The following FYN variants were observed in gnomAD, a reference collection of about 807,000 sequenced individuals.
FYN encodes tyrosine-protein kinase Fyn.
Under a neutral mutation model 70.2 loss-of-function variants are expected in FYN, and 10 were observed. The observed-to-expected ratio is 0.14, with a 90% CI of 0.09 to 0.24. FYN has a LOEUF of 0.24. Among genes scored for constraint, FYN ranks in the 10% least tolerant of loss-of-function variants. The pLI is 1.00. For missense variants in FYN, 319 were observed against 673.1 expected (o/e 0.47, Z 5.82); for synonymous variants, 236 against 248.6 (o/e 0.95, Z 0.48).
intron 1 of FYN, among the ~76,000 whole-genome samples, chr6:111,857,195 A>G (rs1773844389): frequency 6.6e-6 from 1 of 152,180 alleles, no homozygotes; most frequent in African/African-American, 2.4e-5. Context: ...TCTACTATTC[A>G]CCCTGTTACC....
chr6:111,681,938 C>A (rs930975232), intron 12 of FYN, among the ~76,000 whole-genome samples: 3 of 152,126 alleles, frequency 2.0e-5, no homozygotes, highest in Non-Finnish European at 4.4e-5. Flanking sequence ...TGCATAAACA[C>A]TATACACTGT....
intron 12 of FYN, among the ~76,000 whole-genome samples, chr6:111,684,769 T>G (rs2128421337): frequency 6.6e-6 from 1 of 152,238 alleles, no homozygotes; most frequent in Admixed American, 6.5e-5. Flanking sequence ...CCTGAAACTG[T>G]GGGTATTTAG....
At position 111,696,281 on chromosome 6, in the gene FYN, G is replaced by T; in HGVS notation, c.1038C>A (p.Asn346Lys). The change falls in exon 10 of 14, where the codon AAC (asparagine) becomes AAA (lysine). Residue 346 changes from asparagine (N) to lysine (K), a missense_variant. By Grantham distance (94) the Asn-to-Lys change is moderately conservative. This residue lies in a region of FYN where 15 missense variants were observed against 16.0 expected (regional missense o/e 0.94). Coordinates refer to ENST00000354650, the MANE Select transcript of FYN (RefSeq NM_002037.5). ...EPIYIVTEYM[N>K]KGSLLDFLKD... ...ACAGGAGAGGTGTTGCCCAACCTTT[G>T]TTCATATACTCGGTGACGATGTAGA... 2 of 1,609,370 alleles carry T rather than the reference G, an allele frequency of 1.2e-6. No homozygotes were observed. The highest frequency in any genetic ancestry group is 1.7e-6 in the Non-Finnish European group (2 of 1,177,724).
chr6:111,871,075 AT>A (rs1182800861), intron 1 of FYN, among the ~76,000 whole-genome samples: 1 of 152,248 alleles, frequency 6.6e-6, no homozygotes, highest in Non-Finnish European at 1.5e-5. Flanking sequence ...TCTGTTACTT[AT>A]AAAAATAGTC....
At chr6:111,741,342 A>G (rs1026067650) in intron 3 of FYN, among the ~76,000 whole-genome samples, 2 of 152,214 alleles carry the variant, frequency 1.3e-5, no homozygotes, top group Admixed American at 1.3e-4. Flanking sequence ...CCTGGCACAG[A>G]GCAGACACTC....
rs150628128 is a variant in FYN, at chr6:111,840,516, C to T, written c.-82+6073G>A. Among the ~76,000 whole-genome samples, 9 of 152,306 alleles carry T rather than the reference C, an allele frequency of 5.9e-5. No homozygotes were observed. The East Asian group carries it at 1.7e-3, about 29-fold the overall frequency. Reference sequence around the variant, plus strand: ...TGACACCTTGCTATTGGACTTCTGACCTCTTAAAACTGTGGGGGAATAAAT... The same window carrying T: ...TGACACCTTGCTATTGGACTTCTGATCTCTTAAAACTGTGGGGGAATAAAT... On this transcript the variant is annotated intron_variant, in intron 2 of 13. Transcript: ENST00000354650.
chr6:111,837,820 CA>C (rs1773235513), intron 2 of FYN, among the ~76,000 whole-genome samples: 1 of 152,212 alleles, frequency 6.6e-6, no homozygotes, highest in Non-Finnish European at 1.5e-5. Context: ...GACGCTGCCT[CA>C]TGTTCCACCC....
chr6:111,694,795 G>A lies in FYN; in HGVS notation c.1043-91C>T, dbSNP rs1799503269. The A allele has an allele frequency of 4.3e-6, 5 of 1,160,526 alleles. No homozygotes were observed. Among genetic ancestry groups the A allele is most frequent in the Middle Eastern group, 2.3e-4 (1 of 4,292 alleles). The allele number at this position is 1,160,526 out of a possible 1,614,324, so 71.9% of individuals were successfully genotyped here. A position where few individuals can be genotyped will look rare whatever the true frequency, so the allele number is the denominator to read the frequency against. On this transcript the variant is annotated intron_variant, in intron 10 of 13. Coordinates refer to ENST00000354650, the MANE Select transcript of FYN (RefSeq NM_002037.5). This position sits in a 1 kb window ranked among gnomAD's most constrained non-coding sequence, Gnocchi z 5.0. ...TTGGTTTTCTTATTAAAAGTAATAAGGTAGTCAAATGGAATAATGCCATCC... is the reference window on the plus strand; with the variant it reads ...TTGGTTTTCTTATTAAAAGTAATAAAGTAGTCAAATGGAATAATGCCATCC...
At chr6:111,738,475 G>A (rs1013560894) in intron 3 of FYN, among the ~76,000 whole-genome samples, 1 of 152,200 alleles carries the variant, frequency 6.6e-6, no homozygotes, top group Non-Finnish European at 1.5e-5. Context: ...CACTGGAGAG[G>A]GGTAATGGGG....
intron 2 of FYN, among the ~76,000 whole-genome samples, chr6:111,791,287 T>A (rs1771612070): frequency 6.6e-6 from 1 of 152,144 alleles, no homozygotes; most frequent in Non-Finnish European, 1.5e-5. Context: ...AATGAAGTAA[T>A]AAATGTATAA....
At chr6:111,767,751 T>G (rs1235350180) in intron 3 of FYN, among the ~76,000 whole-genome samples, 1 of 152,194 alleles carries the variant, frequency 6.6e-6, no homozygotes, top group Non-Finnish European at 1.5e-5. Context: ...CAATTGTGGC[T>G]AATGGTTTGT....
chr6:111,736,274 G>A (rs1583384744), intron 3 of FYN, among the ~76,000 whole-genome samples: 1 of 152,212 alleles, frequency 6.6e-6, no homozygotes, highest in Non-Finnish European at 1.5e-5. Flanking sequence ...AGAAGTGGCA[G>A]TTACACTTCA....
chr6:111,693,774 A>G (rs1400493864), intron 12 of FYN, among the ~76,000 whole-genome samples: 2 of 151,838 alleles, frequency 1.3e-5, no homozygotes, highest in African/African-American at 4.8e-5. Flanking sequence ...TGTGACCTCT[A>G]CTTCTGGTTG....
At chr6:111,727,586 T>C (rs1297325838) in intron 3 of FYN, among the ~76,000 whole-genome samples, 1 of 152,112 alleles carries the variant, frequency 6.6e-6, no homozygotes, top group African/African-American at 2.4e-5. Flanking sequence ...ATATACACAA[T>C]GCAGACACTA....
chr6:111,832,619 T>C lies in FYN; in HGVS notation c.-82+13970A>G, dbSNP rs1282962401. Among the ~76,000 whole-genome samples the C allele has an allele frequency of 2.0e-5, 3 of 152,132 alleles. No individual in the cohort carries two copies. In the East Asian group the frequency reaches 5.8e-4, roughly 29 times the overall value. On this transcript the variant is annotated intron_variant, in intron 2 of 13. Coordinates refer to ENST00000354650, the MANE Select transcript of FYN (RefSeq NM_002037.5). ...CAATTTTGATCATCATTTTAATTAATATATAATATTCAATTTAATAGATGT... is the reference window on the plus strand; with the variant it reads ...CAATTTTGATCATCATTTTAATTAACATATAATATTCAATTTAATAGATGT...
intron 6 of FYN, among the ~76,000 whole-genome samples, chr6:111,705,034 C>A (rs547198597): frequency 6.6e-6 from 1 of 152,014 alleles, no homozygotes; most frequent in Non-Finnish European, 1.5e-5. Flanking sequence ...TGCACTCCAG[C>A]CTGGGCAACA....
chr6:111,849,372 C>T (rs1361330087), intron 1 of FYN, among the ~76,000 whole-genome samples: 1 of 152,248 alleles, frequency 6.6e-6, no homozygotes, highest in Admixed American at 6.5e-5. Context: ...TCTGAGCTCT[C>T]TCTTGATACA....
At chr6:111,830,999 C>T (rs1008072264) in intron 2 of FYN, among the ~76,000 whole-genome samples, 1 of 152,152 alleles carries the variant, frequency 6.6e-6, no homozygotes, top group South Asian at 2.1e-4. Context: ...GTGTAATCCA[C>T]ACATATCTTT....
chr6:111,684,427 C>T (rs564655003), intron 12 of FYN, among the ~76,000 whole-genome samples: 231 of 152,200 alleles, frequency 1.5e-3, no homozygotes, highest in African/African-American at 4.5e-3. Context: ...AAATTGAACC[C>T]AGGACAACTA....
Sources: allele counts gnomAD v4.1 joint callset (sites outside exome capture counted in the v4.1 genomes callset), GRCh38; gene constraint gnomAD v4.1.1; regional missense constraint gnomAD v4.1.1; non-coding constraint Gnocchi (gnomAD v3.1); transcripts MANE v1.5; gene names NCBI Gene and HGNC (gene_info 2026-07-23, HGNC 2026-07-21).